The following KLF12 variants were observed in gnomAD, a reference collection of about 807,000 sequenced individuals.
KLF12 encodes the protein KLF transcription factor 12, also known as Krueppel-like factor 12.
Under a neutral mutation model 37.8 loss-of-function variants are expected in KLF12, and 9 were observed. The ratio of observed to expected loss-of-function variants is 0.24; its 90% confidence interval spans 0.14 to 0.42. The LOEUF is 0.42. Among genes scored for constraint, KLF12 ranks in the 10% least tolerant of loss-of-function variants. The pLI is 1.00. For missense variants in KLF12, 411 were observed against 516.0 expected (o/e 0.80, Z 1.97); for synonymous variants, 208 against 202.1 (o/e 1.03, Z -0.25).
chr13:74,186,366 C>T, the KLF12 span, among the ~76,000 whole-genome samples: 5 of 152,118 alleles, frequency 3.3e-5, no homozygotes, highest in African/African-American at 9.6e-5. Context: ...TATATGAGGC[C>T]GTGAAGACCT....
chr13:74,134,252 A>C (rs1878441041), upstream of KLF12, among the ~76,000 whole-genome samples: 1 of 151,094 alleles, frequency 6.6e-6, no homozygotes, highest in African/African-American at 2.4e-5. Context: ...CCAGAAACAA[A>C]GCCCCGCCGC....
intron 1 of KLF12, among the ~76,000 whole-genome samples, chr13:74,062,100 A>G (rs1478683030): frequency 6.6e-6 from 1 of 151,882 alleles, no homozygotes; most frequent in Non-Finnish European, 1.5e-5. Context: ...CTGGCTTCTC[A>G]TTGCTAAATC....
At chr13:74,068,688 C>T (rs1054245960) in intron 1 of KLF12, among the ~76,000 whole-genome samples, 5 of 151,916 alleles carry the variant, frequency 3.3e-5, no homozygotes, top group African/African-American at 1.2e-4. Context: ...ACGTCAGTAG[C>T]TGGGACCACA....
At chr13:74,161,493 A>G in the KLF12 span, among the ~76,000 whole-genome samples, 1 of 152,148 alleles carries the variant, frequency 6.6e-6, no homozygotes, top group Non-Finnish European at 1.5e-5. Flanking sequence ...AAGCCAAGGT[A>G]TGCCACGGGG....
At chr13:73,736,037 T>C (rs1877439760) in intron 6 of KLF12, among the ~76,000 whole-genome samples, 1 of 152,130 alleles carries the variant, frequency 6.6e-6, no homozygotes, top group Non-Finnish European at 1.5e-5. Flanking sequence ...ATTAAAATTC[T>C]ACCAGCTCCT....
intron 6 of KLF12, among the ~76,000 whole-genome samples, chr13:73,727,346 T>G (rs574829579): frequency 6.6e-6 from 1 of 152,302 alleles, no homozygotes; most frequent in African/African-American, 2.4e-5. Context: ...AGATACATGA[T>G]CAATTGTTGA....
At chr13:74,047,957 G>A (rs1382215427) in intron 1 of KLF12, among the ~76,000 whole-genome samples, 3 of 152,202 alleles carry the variant, frequency 2.0e-5, no homozygotes, top group African/African-American at 7.2e-5. Context: ...AGGCAGTCAA[G>A]GGTATGGAAG....
intron 6 of KLF12, among the ~76,000 whole-genome samples, chr13:73,754,439 T>TC (rs1879005397): frequency 6.6e-6 from 1 of 152,136 alleles, no homozygotes; most frequent in Non-Finnish European, 1.5e-5. Context: ...CGCAGGCCTC[T>TC]CCTGCTGCTG....
At chr13:73,983,795 G>C (rs1052003356) in intron 2 of KLF12, among the ~76,000 whole-genome samples, 2 of 152,204 alleles carry the variant, frequency 1.3e-5, no homozygotes, top group African/African-American at 2.4e-5. Context: ...CCAGGGAGCA[G>C]AGTGGCCTCA....
At chr13:74,071,324 A>G (rs968292414) in intron 1 of KLF12, among the ~76,000 whole-genome samples, 1 of 152,154 alleles carries the variant, frequency 6.6e-6, no homozygotes, top group Non-Finnish European at 1.5e-5. Flanking sequence ...ATCAATTGCT[A>G]TTTCATATGG....
the KLF12 span, among the ~76,000 whole-genome samples, chr13:74,291,561 G>T: frequency 1.4e-4 from 21 of 152,294 alleles, no homozygotes; most frequent in Middle Eastern, 3.4e-3. Context: ...GGTTAATCCA[G>T]TCCACAGGCA....
At chr13:74,148,166 C>T in the KLF12 span, among the ~76,000 whole-genome samples, 1 of 152,056 alleles carries the variant, frequency 6.6e-6, no homozygotes, top group East Asian at 1.9e-4. Context: ...CCACCCGCCT[C>T]GGCCTCCCAA....
intron 7 of KLF12, 146 bp from the exon 8 acceptor site, chr13:73,695,817 C>A (rs963692171): frequency 5.4e-6 from 4 of 739,302 alleles, no homozygotes; most frequent in Non-Finnish European, 6.7e-6. Flanking sequence ...ATCCCACCAG[C>A]GGTCTGGGTC....
intron 1 of KLF12, among the ~76,000 whole-genome samples, chr13:74,108,481 C>T (rs1369100339): frequency 3.3e-5 from 5 of 152,100 alleles, no homozygotes; most frequent in Non-Finnish European, 7.4e-5. Context: ...TATTTTCAAA[C>T]ATACAGTTGA....
In KLF12 at chr13:73,719,366, C is replaced by T. The variant is rs118161684; in HGVS notation, c.870-3841G>A. Among the ~76,000 whole-genome samples, 189 of 149,206 alleles carry T rather than the reference C, an allele frequency of 1.3e-3. 4 individuals carry two copies. The East Asian group carries it at 0.033, about 26-fold the overall frequency. On this transcript the variant is annotated intron_variant, in intron 6 of 7. Coordinates refer to ENST00000377669, the MANE Select transcript of KLF12 (RefSeq NM_007249.5). ...AGTCCATGGCTGGAAAGGTGACAGT[C>T]GAGTTACTGGTACCAAGTAATTTTG...
At chr13:73,930,651 A>G (rs1413722105) in intron 3 of KLF12, among the ~76,000 whole-genome samples, 1 of 152,198 alleles carries the variant, frequency 6.6e-6, no homozygotes, top group Non-Finnish European at 1.5e-5. Context: ...TAAAATCCAG[A>G]ATACAGAATT....
chr13:73,794,326 T>C (rs1473920569), intron 5 of KLF12, among the ~76,000 whole-genome samples: 1 of 152,186 alleles, frequency 6.6e-6, no homozygotes, highest in Non-Finnish European at 1.5e-5. Context: ...CCAGGCGTGA[T>C]GGTATGCGCT....
At chr13:73,827,498 A>G (rs1258546037) in intron 4 of KLF12, among the ~76,000 whole-genome samples, 1 of 152,300 alleles carries the variant, frequency 6.6e-6, no homozygotes. Context: ...GCATGCTGTA[A>G]CTATCCAAAG....
the KLF12 span, among the ~76,000 whole-genome samples, chr13:74,266,709 C>T: frequency 1.3e-5 from 2 of 152,190 alleles, no homozygotes; most frequent in Non-Finnish European, 2.9e-5. Flanking sequence ...ACAGATGCTT[C>T]TTCCTGATTT....
Sources: allele counts gnomAD v4.1 joint callset (sites outside exome capture counted in the v4.1 genomes callset), GRCh38; gene constraint gnomAD v4.1.1; transcripts MANE v1.5; gene names NCBI Gene and HGNC (gene_info 2026-07-23, HGNC 2026-07-21).